The following LARS1 variants were observed in gnomAD, a reference collection of about 807,000 sequenced individuals.
LARS1 encodes leucyl-tRNA synthetase 1, also known as leucine--tRNA ligase, cytoplasmic.
Under a neutral mutation model 162.8 loss-of-function variants are expected in LARS1, and 100 were observed. That is an observed-to-expected ratio of 0.61 (90% CI 0.52 to 0.73). The LOEUF is 0.73. Ranked by LOEUF, LARS1 falls within the 30% of genes least tolerant of loss-of-function variation. The pLI is 0.00. For synonymous variants in LARS1, 457 were observed against 462.8 expected, an observed-to-expected ratio of 0.99 and a Z score of 0.16; for missense variants, 1,258 against 1,408.9, an observed-to-expected ratio of 0.89 and a Z score of 1.71.
chr5:146,123,817 T>C (rs1751932299), intron 29 of LARS1, among the ~76,000 whole-genome samples, 165 bp downstream of exon 29: 1 of 151,914 alleles, frequency 6.6e-6, no homozygotes, highest in African/African-American at 2.4e-5. Context: ...GCAACTTTTA[T>C]ACTCACCCAT....
intron 4 of LARS1, among the ~76,000 whole-genome samples, chr5:146,169,584 T>C (rs1252858433): frequency 6.6e-6 from 1 of 152,024 alleles, no homozygotes; most frequent in African/African-American, 2.4e-5. Context: ...ATTTTACTCT[T>C]GTTGCCCAGG....
Position 146,153,565 on chromosome 5 carries a change from T to C in LARS1, c.1230+169A>G, listed in dbSNP as rs34090359. Among the ~76,000 whole-genome samples, 33,902 of 151,110 alleles carry C rather than the reference T, an allele frequency of 0.22. 4,841 individuals carry two copies. Among genetic ancestry groups the C allele is most frequent in the Admixed American group, 0.34 (5,129 of 15,170 alleles). ...AAGCTTTTTCAAAATTCTGTGAACA[T>C]ATTTAAAATTCAAACCACAGAAAAT... On this transcript the variant is annotated intron_variant, in intron 12 of 31. Coordinates refer to ENST00000394434, the MANE Select transcript of LARS1 (RefSeq NM_020117.11).
At chr5:146,128,268 C>T (rs1197944338) in intron 27 of LARS1, among the ~76,000 whole-genome samples, 1 of 151,912 alleles carries the variant, frequency 6.6e-6, no homozygotes, top group Non-Finnish European at 1.5e-5. Context: ...AAACAATAAA[C>T]AAGGTTACGA....
In LARS1 at chr5:146,143,543, G is replaced by A. The variant is rs1315650640; in HGVS notation, c.1746C>T (p.His582=). ...TCAGCCACTGCTCATCCCAAGGCAG[G>A]TGAGTGCCTGAAAAATAAAAAGTAA... ...ACSRTYGLGT[H]LPWDEQWLIE... is the part of the protein sequence containing the mutation. Residue 582 remains histidine (H), a synonymous_variant, in exon 19 of 32, where the codon CAC becomes CAT. Transcript: ENST00000394434. 2 of 1,612,790 alleles carry A rather than the reference G, an allele frequency of 1.2e-6. No individual in the cohort carries two copies. The highest frequency in any genetic ancestry group is 1.6e-4 in the Middle Eastern group (1 of 6,080).
intron 29 of LARS1, among the ~76,000 whole-genome samples, chr5:146,123,271 A>T (rs1011416269): frequency 6.6e-6 from 1 of 151,952 alleles, no homozygotes; most frequent in Non-Finnish European, 1.5e-5. Context: ...GAGTGCTCTA[A>T]CAGTTTTCTA....
intron 30 of LARS1, among the ~76,000 whole-genome samples, chr5:146,122,199 A>C (rs1398100081): frequency 6.6e-6 from 1 of 152,124 alleles, no homozygotes; most frequent in African/African-American, 2.4e-5. Flanking sequence ...GTATTTTTAA[A>C]TAAAAACCAG....
intron 5 of LARS1, among the ~76,000 whole-genome samples, chr5:146,166,403 C>A (rs1754004512): frequency 6.6e-6 from 1 of 152,134 alleles, no homozygotes; most frequent in African/African-American, 2.4e-5. Context: ...AACAACCACA[C>A]ACACACACTC....
intron 31 of LARS1, among the ~76,000 whole-genome samples, chr5:146,114,543 G>T (rs1019166757): frequency 6.6e-6 from 1 of 152,100 alleles, no homozygotes; most frequent in African/African-American, 2.4e-5. Context: ...AGACTAGCCT[G>T]ACCAACATGG....
intron 27 of LARS1, among the ~76,000 whole-genome samples, 180 bp from the exon 28 acceptor site, chr5:146,126,725 T>C (rs371149835): frequency 6.6e-6 from 1 of 152,080 alleles, no homozygotes; most frequent in Non-Finnish European, 1.5e-5. Context: ...GAAGGAACTC[T>C]CCTATTCTCT....
intron 15 of LARS1, among the ~76,000 whole-genome samples, chr5:146,147,332 C>G (rs1753055565): frequency 6.6e-6 from 1 of 151,570 alleles, no homozygotes; most frequent in Admixed American, 6.6e-5. Context: ...ACTCAAGAAG[C>G]TGAAGTGGGA....
Position 146,143,501 on chromosome 5 carries a change from G to A in LARS1, c.1788C>T (p.Asp596=). The change falls in exon 19 of 32, where the codon GAC becomes GAT. Residue 596 remains aspartate, a synonymous_variant. Coordinates refer to ENST00000394434, the MANE Select transcript of LARS1 (RefSeq NM_020117.11). The stretch of plus-strand genomic sequence containing the variant: ...TGTAAAATGCCATGTAAATAGTGGA[G>A]TCAGAAAGTGATTCAATCAGCCACT... ...DEQWLIESLS[D]STIYMAFYTV... The A allele has an allele frequency of 6.2e-7, 1 of 1,613,984 alleles. No individual in the cohort carries two copies. The highest frequency in any genetic ancestry group is 1.1e-5 in the South Asian group (1 of 91,082).
intron 10 of LARS1, among the ~76,000 whole-genome samples, chr5:146,156,567 C>T (rs1441717182): frequency 6.6e-6 from 1 of 151,942 alleles, no homozygotes; most frequent in East Asian, 1.9e-4. Flanking sequence ...TGGTGGCCCG[C>T]ACCTGTAATC....
At chr5:146,169,757 C>G (rs1279204736) in intron 4 of LARS1, among the ~76,000 whole-genome samples, 1 of 152,050 alleles carries the variant, frequency 6.6e-6, no homozygotes, top group Admixed American at 6.6e-5. Context: ...CCACGTTGGC[C>G]AGGCTGGTTT....
rs1204224105 is a variant in LARS1, at chr5:146,144,188, CA to C, written c.1738+78del. On this transcript the variant is annotated intron_variant, in intron 18 of 31. Coordinates refer to ENST00000394434, the MANE Select transcript of LARS1 (RefSeq NM_020117.11). ...ATTCAGAAAACACTAGAATTGAGGG[CA>C]GGGGGGAAAGGTAAAAATGTATATT... The C allele has an allele frequency of 6.8e-6, 7 of 1,023,304 alleles. No individual in the cohort carries two copies. The East Asian group carries it at 7.2e-5, about 10-fold the overall frequency. The allele number at this position is 1,023,304 out of a possible 1,614,324, so 63.4% of individuals were successfully genotyped here. A position where few individuals can be genotyped will look rare whatever the true frequency, so the allele number is the denominator to read the frequency against.
intron 1 of LARS1, among the ~76,000 whole-genome samples, chr5:146,180,443 A>C (rs1264748060): frequency 6.6e-6 from 1 of 152,008 alleles, no homozygotes; most frequent in Non-Finnish European, 1.5e-5. Flanking sequence ...CTGAAGTGGG[A>C]GAATCACTTG....
At chr5:146,147,218 G>T (rs1380154002) in intron 15 of LARS1, among the ~76,000 whole-genome samples, 1 of 152,000 alleles carries the variant, frequency 6.6e-6, no homozygotes, top group Non-Finnish European at 1.5e-5. Flanking sequence ...CATATCAACG[G>T]TCTTCCTCAG....
At chr5:146,129,378 A>G (rs1208516239) in intron 25 of LARS1, among the ~76,000 whole-genome samples, 2 of 152,170 alleles carry the variant, frequency 1.3e-5, no homozygotes, top group Non-Finnish European at 2.9e-5. Context: ...GCTCACTTTC[A>G]AAGAAAATTA....
chr5:146,138,211 G>T (rs1752597817), intron 21 of LARS1: 2 of 183,000 alleles, frequency 1.1e-5, no homozygotes, highest in South Asian at 1.6e-4. Context: ...ACAAAGCAAA[G>T]AACGACCATG....
intron 20 of LARS1, 120 bp downstream of exon 20, chr5:146,142,752 A>C (rs1338417623): frequency 1.3e-6 from 1 of 762,770 alleles, no homozygotes; most frequent in Non-Finnish European, 2.1e-6. Flanking sequence ...AAGATAAGAA[A>C]AAGAATGTAA....
Sources: gnomAD v4.1 joint callset for allele counts (sites outside exome capture counted in the v4.1 genomes callset) on GRCh38, gnomAD v4.1.1 for gene constraint, MANE v1.5 for transcripts, NCBI Gene and HGNC (gene_info 2026-07-23, HGNC 2026-07-21) for gene names.